Variants in TNN observed in about 807,000 individuals in gnomAD.
The protein encoded by TNN is tenascin N.
In TNN, 122 loss-of-function variants were observed where a neutral mutation model predicts 134.4. The ratio of observed to expected loss-of-function variants is 0.91; its 90% CI spans 0.78 to 1.06. The LOEUF (loss-of-function observed/expected upper bound fraction) is 1.06. Ranked by LOEUF, TNN falls within the 50% of genes least tolerant of loss-of-function variation. TNN has a pLI of 0.00. For synonymous variants in TNN, 710 were observed against 670.3 expected, an observed-to-expected ratio of 1.06 and a Z score of -0.91; for missense variants, 1,739 against 1,699.4, an observed-to-expected ratio of 1.02 and a Z score of -0.41.
At chr1:175,078,675 T>G (rs1674112438) in intron 2 of TNN, among the ~76,000 whole-genome samples, 1 of 152,198 alleles carries the variant, frequency 6.6e-6, no homozygotes, top group African/African-American at 2.4e-5. Flanking sequence ...GAAGGTGTTC[T>G]GAAAAGCAGA....
intron 18 of TNN, among the ~76,000 whole-genome samples, chr1:175,145,051 C>T (rs550108402): frequency 1.4e-4 from 22 of 152,180 alleles, no homozygotes; most frequent in African/African-American, 5.1e-4. Flanking sequence ...GCTCTGATCT[C>T]TTCTTCATAT....
In TNN at chr1:175,127,055, G is replaced by C. The variant is rs187194500; in HGVS notation, c.3015G>C (p.Leu1005=). 1 of 1,614,040 alleles carries C rather than the reference G, an allele frequency of 6.2e-7. No homozygotes were observed. Among genetic ancestry groups the C allele is most frequent in the East Asian group, 2.2e-5 (1 of 44,876 alleles). ...PPSAQIHGYI[L]TYQFPDGTVK... ...CTGCTCAGATCCACGGCTACATTCT[G>C]ACTTACCAGTTCCCAGATGGCACAG... The change falls in exon 13 of 19, where the codon CTG becomes CTC. Residue 1005 remains leucine, a synonymous_variant. Transcript: ENST00000239462.
chr1:175,101,641 C>G (rs1467793016), intron 9 of TNN, among the ~76,000 whole-genome samples: 1 of 148,514 alleles, frequency 6.7e-6, no homozygotes, highest in Non-Finnish European at 1.5e-5. Flanking sequence ...CTCCACGTCC[C>G]CATCAGATTA....
chr1:175,131,488 A>G (rs1009945686), intron 15 of TNN, among the ~76,000 whole-genome samples: 14 of 152,282 alleles, frequency 9.2e-5, no homozygotes, highest in African/African-American at 3.4e-4. Context: ...TGTGATACCC[A>G]AATAGTTCAT....
intron 11 of TNN, 129 bp from the exon 12 acceptor site, chr1:175,123,271 A>G (rs1558368012): frequency 9.0e-7 from 1 of 1,107,960 alleles, no homozygotes; most frequent in Non-Finnish European, 1.3e-6. Flanking sequence ...GGGGCCTTTG[A>G]CTCGTGTTTT....
Position 175,135,837 on chromosome 1 carries a change from C to T in TNN, c.3331-8C>T. The T allele has an allele frequency of 6.2e-7, 1 of 1,609,598 alleles. No homozygotes were observed. The highest frequency in any genetic ancestry group is 8.5e-7 in the Non-Finnish European group (1 of 1,175,942). ...GGGTCAGAGTGAAGTATTCATCTTC[C>T]TTCTCAGGTCTTCCAGAGGCGGAAC... On this transcript the variant is annotated splice_region_variant and splice_polypyrimidine_tract_variant and intron_variant, in intron 15 of 18. Transcript: ENST00000239462.
At chr1:175,126,359 C>G (rs541273652) in intron 12 of TNN, among the ~76,000 whole-genome samples, 4 of 152,128 alleles carry the variant, frequency 2.6e-5, no homozygotes, top group African/African-American at 9.7e-5. Flanking sequence ...CTTGGCCTCC[C>G]GAAGTGCTGG....
Position 175,104,131 on chromosome 1 carries a change from G to A in TNN, c.2119+5536G>A, listed in dbSNP as rs570961528. On this transcript the variant is annotated intron_variant, in intron 9 of 18. Coordinates refer to ENST00000239462, the MANE Select transcript of TNN (RefSeq NM_022093.2). Reference sequence around the variant, plus strand: ...GCAAAGTCTCCCAATTACAACTGAGGAGGTGGGAGAAATACCTGATTACAG... The same window carrying A: ...GCAAAGTCTCCCAATTACAACTGAGAAGGTGGGAGAAATACCTGATTACAG... 2.2e-3 allele frequency among the ~76,000 whole-genome samples: 318 copies of A among 146,322 alleles called. 22 individuals are homozygous for A. The highest frequency in any genetic ancestry group is 7.6e-3 in the African/African-American group (310 of 40,664).
At chr1:175,118,935 T>C (rs1675267817) in intron 11 of TNN, 111 bp downstream of exon 11, 11 of 1,402,576 alleles carry the variant, frequency 7.8e-6, no homozygotes, top group South Asian at 1.3e-5. Context: ...GGCTGCAGAC[T>C]GTTTTAGGAG....
chr1:175,085,304 C>T (rs1040822340), intron 5 of TNN, 101 bp from the exon 6 acceptor site: 8 of 748,980 alleles, frequency 1.1e-5, no homozygotes, highest in Admixed American at 2.1e-5. Context: ...GGAAGCATCA[C>T]CTCTCATCTT....
chr1:175,132,928 A>T (rs1675710653), intron 15 of TNN, among the ~76,000 whole-genome samples: 2 of 152,246 alleles, frequency 1.3e-5, no homozygotes, highest in Non-Finnish European at 2.9e-5. Context: ...CACAAATATC[A>T]GGTGGTTTAC....
intron 11 of TNN, among the ~76,000 whole-genome samples, chr1:175,119,306 G>A (rs962704354): frequency 1.3e-5 from 2 of 152,216 alleles, no homozygotes; most frequent in African/African-American, 4.8e-5. Flanking sequence ...ACATTGCCTT[G>A]GCATTTGTAA....
intron 17 of TNN, among the ~76,000 whole-genome samples, chr1:175,139,532 C>T (rs966265458): frequency 2.6e-5 from 4 of 152,176 alleles, no homozygotes; most frequent in Non-Finnish European, 5.9e-5. Flanking sequence ...AGCAATAGCA[C>T]ACATGGAGCT....
At position 175,123,304 on chromosome 1, in the gene TNN, A is replaced by G. The variant is rs1675423256; in HGVS notation, c.2651-96A>G. On this transcript the variant is annotated intron_variant, in intron 11 of 18. Coordinates refer to ENST00000239462, the MANE Select transcript of TNN (RefSeq NM_022093.2). Reference sequence around the variant, plus strand: ...TTTAAGTGGAATTCTACCATTATTAATGATAACATGATGGAGAGCTCCTGG... The same window carrying G: ...TTTAAGTGGAATTCTACCATTATTAGTGATAACATGATGGAGAGCTCCTGG... 1.5e-5 allele frequency: 21 copies of G among 1,379,472 alleles called. No individual in the cohort carries two copies. The Middle Eastern group carries it at 1.3e-3, about 89-fold the overall frequency. 85.5% of individuals were successfully genotyped at this position (1,379,472 alleles called of 1,614,324 possible). A position where few individuals can be genotyped will look rare whatever the true frequency, so the allele number is the denominator to read the frequency against.
chr1:175,121,016 C>T (rs953946199), intron 11 of TNN, among the ~76,000 whole-genome samples: 2 of 152,156 alleles, frequency 1.3e-5, no homozygotes, highest in African/African-American at 4.8e-5. Flanking sequence ...CTCCTGGGCT[C>T]AAGTGATCCT....
In TNN at chr1:175,117,146, A is replaced by G. The variant is rs1368835481; in HGVS notation, c.2327A>G (p.His776Arg). The change falls in exon 10 of 19, where the codon CAC becomes CGC. Residue 776 changes from histidine (H) to arginine (R), a missense_variant. By Grantham distance (29) the His-to-Arg change is conservative. Coordinates refer to ENST00000239462, the MANE Select transcript of TNN (RefSeq NM_022093.2). ...AGGCCGGGTGTGGAGTACACGGTGC[A>G]CGTGTGGGCCCAGAAGGGGGCCCAG... ...GLRPGVEYTV[H>R]VWAQKGAQES... is the part of the protein sequence containing the mutation. The G allele has an allele frequency of 1.2e-6, 2 of 1,614,162 alleles. No individual in the cohort carries two copies. The highest frequency in any genetic ancestry group is 1.7e-6 in the Non-Finnish European group (2 of 1,180,056).
At chr1:175,105,082 A>G (rs1445914914) in intron 9 of TNN, among the ~76,000 whole-genome samples, 1 of 145,974 alleles carries the variant, frequency 6.9e-6, no homozygotes, top group Non-Finnish European at 1.5e-5. Context: ...CTTGACTAGG[A>G]TACCAGGTAT....
intron 17 of TNN, among the ~76,000 whole-genome samples, chr1:175,141,297 T>C (rs1675939568): frequency 6.6e-6 from 1 of 152,190 alleles, no homozygotes; most frequent in South Asian, 2.1e-4. Context: ...GCATTCAGAA[T>C]GGTGCAGAAT....
At chr1:175,075,592 G>T (rs998053075) in intron 1 of TNN, among the ~76,000 whole-genome samples, 1 of 152,140 alleles carries the variant, frequency 6.6e-6, no homozygotes, top group Non-Finnish European at 1.5e-5. Context: ...CACCGTGCCC[G>T]GCCAGCATTA....
Sources: gnomAD v4.1 joint callset for allele counts (sites outside exome capture counted in the v4.1 genomes callset) on GRCh38, gnomAD v4.1.1 for gene constraint, MANE v1.5 for transcripts, NCBI Gene and HGNC (gene_info 2026-07-23, HGNC 2026-07-21) for gene names.